The following PADI4 variants were observed in gnomAD, a reference collection of about 807,000 sequenced individuals.
The protein encoded by PADI4 is peptidyl arginine deiminase 4.
PADI4 carries 62 observed loss-of-function variants against 75.0 expected under a neutral mutation model. The ratio of observed to expected loss-of-function variants is 0.83; its 90% CI spans 0.67 to 1.02. The LOEUF (loss-of-function observed/expected upper bound fraction) is 1.02, where lower values mean the gene tolerates loss of function less well. Ranked by LOEUF, PADI4 falls within the 50% of genes least tolerant of loss-of-function variation. The pLI is 0.00. For synonymous variants in PADI4, 361 were observed against 348.1 expected (o/e 1.04, Z -0.41); for missense variants, 845 against 850.5 (o/e 0.99, Z 0.08).
At chr1:17,342,425 G>A (rs765068559) in intron 8 of PADI4, 23 bp downstream of exon 8, 2 of 1,450,198 alleles carry the variant, frequency 1.4e-6, no homozygotes, top group Non-Finnish European at 1.9e-6. Context: ...GGGGTGCTGG[G>A]GTGGGTCCAG....
intron 1 of PADI4, among the ~76,000 whole-genome samples, chr1:17,310,033 A>T (rs1009318842): frequency 1.1e-4 from 17 of 152,114 alleles, no homozygotes; most frequent in Admixed American, 3.3e-4. Flanking sequence ...TTCTCCCAGA[A>T]AGGATGGGGA....
intron 10 of PADI4, among the ~76,000 whole-genome samples, chr1:17,352,318 A>AG (rs1432714826): frequency 1.3e-5 from 2 of 151,710 alleles, no homozygotes; most frequent in Non-Finnish European, 2.9e-5. Context: ...GTGATGGGGA[A>AG]GGGACGGGAT....
At chr1:17,324,298 C>T (rs993106051) in intron 1 of PADI4, among the ~76,000 whole-genome samples, 1 of 151,896 alleles carries the variant, frequency 6.6e-6, no homozygotes, top group African/African-American at 2.4e-5. Context: ...TTAACCTTTT[C>T]ATTCTCTTAC....
At chr1:17,349,252 A>G (rs1052890636) in intron 10 of PADI4, among the ~76,000 whole-genome samples, 2 of 152,196 alleles carry the variant, frequency 1.3e-5, no homozygotes, top group African/African-American at 4.8e-5. Flanking sequence ...TGATGCTCCA[A>G]GTATAACAAA....
chr1:17,351,429 A>C (rs2074618440), intron 10 of PADI4, among the ~76,000 whole-genome samples: 1 of 137,356 alleles, frequency 7.3e-6, no homozygotes, highest in South Asian at 2.2e-4. Context: ...TGTCTCTACA[A>C]AAAAAAAAAA....
intron 1 of PADI4, among the ~76,000 whole-genome samples, chr1:17,327,446 G>A (rs781108486): frequency 2.6e-5 from 4 of 151,626 alleles, no homozygotes; most frequent in African/African-American, 4.9e-5. Context: ...TATTTTAGAT[G>A]TGTTTCTTAT....
At chr1:17,325,104 C>T (rs1050909268) in intron 1 of PADI4, among the ~76,000 whole-genome samples, 3 of 152,216 alleles carry the variant, frequency 2.0e-5, no homozygotes, top group African/African-American at 7.2e-5. Context: ...TCCTGGATTT[C>T]TCGTGTAGAT....
At chr1:17,336,355 T>G in intron 4 of PADI4, 129 bp downstream of exon 4, 2 of 649,012 alleles carry the variant, frequency 3.1e-6, no homozygotes, top group Non-Finnish European at 5.6e-6. Context: ...GAAAGAAAAT[T>G]AGCATCACCA....
Position 17,359,320 on chromosome 1 carries a change from T to C in PADI4, c.1670T>C (p.Leu557Pro), listed in dbSNP as rs200041623. The change falls in exon 15 of 16, where the codon CTG (leucine) becomes CCG (proline). Residue 557 changes from leucine to proline, a missense_variant. Leu to Pro is a moderately conservative substitution (Grantham distance 98, BLOSUM62 -3). Transcript: ENST00000375448. ...AACCGCGAGCTGCTGAAGCGGGAGC[T>C]GGGCCTGGCCGAGAGTGACATCATT... ...DWNRELLKRE[L>P]GLAESDIIDI... 2 of 1,602,162 alleles carry C rather than the reference T, an allele frequency of 1.2e-6. No homozygotes were observed. Among genetic ancestry groups the C allele is most frequent in the Admixed American group, 1.7e-5 (1 of 59,300 alleles).
chr1:17,349,714 A>AAAAAAAAAAAAAAAAAAG, intron 10 of PADI4, among the ~76,000 whole-genome samples: 1 of 116,360 alleles, frequency 8.6e-6, no homozygotes, highest in Non-Finnish European at 1.9e-5. Context: ...AAAAAAAAAA[A>AAAAAAAAAAAAAAAAAAG]AAAGAAAGAA....
At chr1:17,353,557 G>C (rs570803366) in intron 10 of PADI4, among the ~76,000 whole-genome samples, 8 of 152,270 alleles carry the variant, frequency 5.3e-5, no homozygotes, top group South Asian at 2.1e-4. Context: ...TCTATGTGTA[G>C]AAGGCTAGAT....
intron 1 of PADI4, among the ~76,000 whole-genome samples, chr1:17,329,930 G>A (rs2074180484): frequency 1.3e-5 from 2 of 152,186 alleles, no homozygotes; most frequent in South Asian, 4.1e-4. Context: ...TCTGGGAGAT[G>A]TACCTTATTT....
chr1:17,315,499 G>A (rs1272361218), intron 1 of PADI4, among the ~76,000 whole-genome samples: 1 of 152,120 alleles, frequency 6.6e-6, no homozygotes, highest in African/African-American at 2.4e-5. Context: ...GAAAAATTGA[G>A]AGGGATATGG....
chr1:17,316,779 C>T (rs1417702218), intron 1 of PADI4, among the ~76,000 whole-genome samples: 1 of 151,878 alleles, frequency 6.6e-6, no homozygotes, highest in Non-Finnish European at 1.5e-5. Flanking sequence ...AAACAACCCC[C>T]CCACCCGTCT....
At chr1:17,339,615 A>C in intron 5 of PADI4, 73 bp from the exon 6 acceptor site, 4 of 1,545,004 alleles carry the variant, frequency 2.6e-6, no homozygotes, top group South Asian at 1.1e-5. Flanking sequence ...CTCCACCAGG[A>C]GGTGAGGTGG....
In PADI4 at chr1:17,342,397, G is replaced by C; in HGVS notation, c.930G>C (p.Ala310=). ...CCCAGCCCCCGCAGGAGGTGTACGC[G>C]TGCAGGTGAGAGGTCCTGGGGTGCT... ...PNTQPPQEVY[A]CSIFENEDFL... is the part of the protein sequence containing the mutation. Residue 310 remains alanine, a synonymous_variant, in exon 8 of 16, where the codon GCG becomes GCC. Transcript: ENST00000375448. 1.2e-6 allele frequency: 2 copies of C among 1,606,806 alleles called. No individual in the cohort carries two copies. The highest frequency in any genetic ancestry group is 1.7e-6 in the Non-Finnish European group (2 of 1,173,500).
intron 1 of PADI4, among the ~76,000 whole-genome samples, chr1:17,322,493 C>CAAAAAAA (rs1553143295): frequency 9.4e-5 from 14 of 149,644 alleles, no homozygotes; most frequent in African/African-American, 3.4e-4. Context: ...CATCCCCCCC[C>CAAAAAAA]AAAAAAAAAG....
intron 10 of PADI4, among the ~76,000 whole-genome samples, chr1:17,351,945 TGGGAGGTGGGAGGAGAGGCGGCCA>T (rs2074637719): frequency 2.8e-5 from 4 of 140,650 alleles, no homozygotes; most frequent in Non-Finnish European, 6.1e-5. Flanking sequence ...AGGGAGGTGA[TGGGAGGTGGGAGGAGAGGCGGCCA>T]GGGAGGTGAT....
intron 15 of PADI4, among the ~76,000 whole-genome samples, chr1:17,362,247 AT>A (rs2074857049): frequency 6.6e-6 from 1 of 150,848 alleles, no homozygotes; most frequent in South Asian, 2.1e-4. Context: ...GCGTGGTGGC[AT>A]CTGCTGAGGC....
Sources: allele counts gnomAD v4.1 joint callset (sites outside exome capture counted in the v4.1 genomes callset), GRCh38; gene constraint gnomAD v4.1.1; transcripts MANE v1.5; gene names NCBI Gene and HGNC (gene_info 2026-07-23, HGNC 2026-07-21).